Variants in NEGR1 observed in about 807,000 individuals in gnomAD.
NEGR1 encodes the protein neuronal growth regulator 1.
In NEGR1, 10 loss-of-function variants were observed where a neutral mutation model predicts 40.9. The ratio of observed to expected loss-of-function variants is 0.24; its 90% CI spans 0.15 to 0.42. The LOEUF is 0.42. NEGR1 is among the 10% of genes least tolerant of loss of function. NEGR1 has a pLI of 1.00. For missense variants in NEGR1, 352 were observed against 438.9 expected (o/e 0.80, Z 1.77); for synonymous variants, 185 against 166.8 (o/e 1.11, Z -0.84).
chr1:71,535,470 A>G (rs1647484237), intron 6 of NEGR1, among the ~76,000 whole-genome samples: 1 of 151,768 alleles, frequency 6.6e-6, no homozygotes, highest in Non-Finnish European at 1.5e-5. Context: ...AAAAGAATAC[A>G]GGAATTTACT....
chr1:71,746,435 T>C (rs1557636822), intron 3 of NEGR1, among the ~76,000 whole-genome samples: 1 of 152,192 alleles, frequency 6.6e-6, no homozygotes. Flanking sequence ...TAGTCTAAGA[T>C]TATCTGGTTA....
At chr1:72,092,117 G>A (rs1648522568) in intron 1 of NEGR1, among the ~76,000 whole-genome samples, 1 of 152,062 alleles carries the variant, frequency 6.6e-6, no homozygotes, top group Non-Finnish European at 1.5e-5. Flanking sequence ...GTGAGTAGTG[G>A]TGGGGTGGGT....
chr1:71,587,832 A>T (rs905395832), intron 6 of NEGR1, among the ~76,000 whole-genome samples: 1 of 152,128 alleles, frequency 6.6e-6, no homozygotes, highest in Non-Finnish European at 1.5e-5. Context: ...TGGGACTCTA[A>T]GCAATGAGTC....
chr1:71,629,754 T>C (rs527489662), intron 4 of NEGR1, among the ~76,000 whole-genome samples: 99 of 152,072 alleles, frequency 6.5e-4, no homozygotes, highest in African/African-American at 2.2e-3. Flanking sequence ...ATAAGCAAAT[T>C]TGACAATGTC....
intron 2 of NEGR1, among the ~76,000 whole-genome samples, chr1:71,915,481 G>T (rs984876038): frequency 3.9e-5 from 6 of 152,076 alleles, no homozygotes; most frequent in East Asian, 1.9e-4. Flanking sequence ...CCTCTTAAAA[G>T]ATATTTATTA....
intron 3 of NEGR1, among the ~76,000 whole-genome samples, chr1:71,711,251 A>G (rs1172743682): frequency 2.8e-5 from 4 of 145,046 alleles, no homozygotes; most frequent in African/African-American, 1.0e-4. Flanking sequence ...AGGCTGAGGC[A>G]GGAGAAGGGC....
At chr1:72,281,477 G>A (rs1656246810) in intron 1 of NEGR1, among the ~76,000 whole-genome samples, 2 of 152,052 alleles carry the variant, frequency 1.3e-5, no homozygotes, top group Admixed American at 6.6e-5. Context: ...TACTGGAGGG[G>A]AACAGTGACC....
At chr1:71,629,151 C>G (rs1650888534) in intron 4 of NEGR1, among the ~76,000 whole-genome samples, 1 of 152,038 alleles carries the variant, frequency 6.6e-6, no homozygotes, top group Non-Finnish European at 1.5e-5. Flanking sequence ...TTGCATTTCT[C>G]TAATGACCAG....
intron 1 of NEGR1, among the ~76,000 whole-genome samples, chr1:72,146,111 G>T (rs1464275668): frequency 6.6e-6 from 1 of 151,890 alleles, no homozygotes; most frequent in Non-Finnish European, 1.5e-5. Flanking sequence ...CTATATTTTT[G>T]GGCAAAAGCA....
chr1:71,626,358 C>G (rs1201155149), intron 4 of NEGR1, among the ~76,000 whole-genome samples: 1 of 129,370 alleles, frequency 7.7e-6, no homozygotes, highest in South Asian at 3.1e-4. Context: ...CTATCCCTCC[C>G]CCCTCCCCCG....
chr1:71,841,772 A>T lies in NEGR1; in HGVS notation c.410-65475T>A, dbSNP rs1429808107. Among the ~76,000 whole-genome samples the T allele has an allele frequency of 2.0e-5, 3 of 152,184 alleles. No homozygotes were observed. In the East Asian group the frequency reaches 5.8e-4, roughly 29 times the overall value. On this transcript the variant is annotated intron_variant, in intron 2 of 6. Transcript: ENST00000357731. ...ACAATTCTTGCTTTTAGTCTCTTTA[A>T]AAGGCAAGGATAGTGTCCTAAAAGA... is the stretch of plus-strand genomic sequence containing the variant.
At chr1:71,559,741 T>A (rs1000882992) in intron 6 of NEGR1, among the ~76,000 whole-genome samples, 1 of 151,478 alleles carries the variant, frequency 6.6e-6, no homozygotes, top group Admixed American at 6.6e-5. Context: ...TGGAATATAC[T>A]GTTTACAGGC....
intron 6 of NEGR1, among the ~76,000 whole-genome samples, chr1:71,484,367 A>G (rs939596637): frequency 6.6e-5 from 10 of 151,664 alleles, no homozygotes; most frequent in African/African-American, 2.2e-4. Flanking sequence ...TAAATATATA[A>G]GAATCTCCAT....
At chr1:71,611,872 C>T (rs997179830) in intron 4 of NEGR1, among the ~76,000 whole-genome samples, 3 of 152,186 alleles carry the variant, frequency 2.0e-5, no homozygotes, top group South Asian at 2.1e-4. Flanking sequence ...AAAGTTTCCC[C>T]GCCTCTGAGT....
At chr1:71,944,299 C>T (rs1370500943) in intron 1 of NEGR1, among the ~76,000 whole-genome samples, 2 of 152,088 alleles carry the variant, frequency 1.3e-5, no homozygotes, top group Non-Finnish European at 2.9e-5. Flanking sequence ...TTTAAAATAG[C>T]AGTATCAAAG....
intron 1 of NEGR1, among the ~76,000 whole-genome samples, chr1:72,194,121 T>C (rs1652917778): frequency 6.6e-6 from 1 of 151,852 alleles, no homozygotes; most frequent in Non-Finnish European, 1.5e-5. Flanking sequence ...ATTAAACAAT[T>C]GAATTTACAG....
intron 4 of NEGR1, among the ~76,000 whole-genome samples, chr1:71,612,277 T>G (rs942236611): frequency 6.6e-6 from 1 of 152,228 alleles, no homozygotes; most frequent in African/African-American, 2.4e-5. Context: ...ACTGTATTTA[T>G]GGGTATGCCA....
chr1:71,601,565 C>A (rs773642229), intron 5 of NEGR1, among the ~76,000 whole-genome samples: 1 of 152,160 alleles, frequency 6.6e-6, no homozygotes, highest in Non-Finnish European at 1.5e-5. Context: ...CCTGAGCATC[C>A]GTCAATGGTT....
At chr1:72,021,829 A>T (rs1268624035) in intron 1 of NEGR1, among the ~76,000 whole-genome samples, 1 of 152,132 alleles carries the variant, frequency 6.6e-6, no homozygotes, top group Non-Finnish European at 1.5e-5. Context: ...CAAAGTTAAA[A>T]CTTTTTCAAA....
Sources: allele counts gnomAD v4.1 joint callset (sites outside exome capture counted in the v4.1 genomes callset), GRCh38; gene constraint gnomAD v4.1.1; transcripts MANE v1.5; gene names NCBI Gene and HGNC (gene_info 2026-07-23, HGNC 2026-07-21).